Variants in DRC1 observed in about 807,000 individuals in gnomAD.
DRC1 encodes dynein regulatory complex subunit 1.
Under a neutral mutation model 98.7 loss-of-function variants are expected in DRC1, and 74 were observed. That is an observed-to-expected ratio of 0.75 (90% CI 0.62 to 0.91). The LOEUF (loss-of-function observed/expected upper bound fraction) is 0.91, where lower values mean the gene tolerates loss of function less well. DRC1 is among the 40% of genes least tolerant of loss of function. The pLI is 0.00. For missense variants in DRC1, 875 were observed against 886.0 expected (o/e 0.99, Z 0.16); for synonymous variants, 336 against 334.1 (o/e 1.01, Z -0.06).
At chr2:26,445,370 T>C (rs544899074) in intron 10 of DRC1, among the ~76,000 whole-genome samples, 37 of 152,326 alleles carry the variant, frequency 2.4e-4, no homozygotes, top group Admixed American at 2.1e-3. Context: ...CTTCCCTTCC[T>C]CAGCAATTTG....
chr2:26,403,069 C>T (rs1415758787), intron 1 of DRC1, among the ~76,000 whole-genome samples: 1 of 152,178 alleles, frequency 6.6e-6, no homozygotes, highest in Non-Finnish European at 1.5e-5. Context: ...ATTTGAATTT[C>T]ATATACTGTT....
At position 26,454,669 on chromosome 2, in the gene DRC1, G is replaced by T. The variant is rs765041616; in HGVS notation, c.1942G>T (p.Val648Leu). The T allele has an allele frequency of 3.7e-6, 6 of 1,614,128 alleles. 1 individual carries two copies. The Middle Eastern group carries it at 4.9e-4, about 133-fold the overall frequency. The change falls in exon 15 of 17, where the codon GTA becomes TTA. Residue 648 changes from valine to leucine, a missense_variant. Val to Leu is a conservative substitution (Grantham distance 32). Coordinates refer to ENST00000288710, the MANE Select transcript of DRC1 (RefSeq NM_145038.5). This position sits in a 1 kb window ranked among gnomAD's most constrained non-coding sequence, Gnocchi z 5.2. Reference sequence around the variant, plus strand: ...CAGGGACTCGCGGGCCCCGCTGAGGGTACAGAAGAATGTGCGTGACAACTC... The same window carrying T: ...CAGGGACTCGCGGGCCCCGCTGAGGTTACAGAAGAATGTGCGTGACAACTC... ...KPRDSRAPLR[V>L]QKNVRDNSKD... is the part of the protein sequence containing the mutation.
chr2:26,437,727 C>T (rs1031310220), intron 7 of DRC1, among the ~76,000 whole-genome samples: 1 of 152,028 alleles, frequency 6.6e-6, no homozygotes, highest in African/African-American at 2.4e-5. Context: ...TATATACACA[C>T]ACACACACGA....
intron 2 of DRC1, among the ~76,000 whole-genome samples, chr2:26,418,132 C>A (rs1413823391): frequency 6.6e-6 from 1 of 152,060 alleles, no homozygotes; most frequent in African/African-American, 2.4e-5. Context: ...CCCTTCAAAC[C>A]CCCATTGTCC....
intron 6 of DRC1, 88 bp downstream of exon 6, chr2:26,430,960 T>A: frequency 1.5e-5 from 11 of 753,108 alleles, no homozygotes; most frequent in Non-Finnish European, 2.0e-5. Context: ...TTTTCTATCT[T>A]TTTTTTTTTT....
chr2:26,443,416 C>G (rs1489291407), intron 8 of DRC1, among the ~76,000 whole-genome samples: 9 of 152,150 alleles, frequency 5.9e-5, no homozygotes, highest in Admixed American at 5.9e-4. Context: ...ATTCACAGTG[C>G]TATTGGACAG....
At position 26,454,677 on chromosome 2, in the gene DRC1, G is replaced by T. The variant is rs1245730608; in HGVS notation, c.1950G>T (p.Lys650Asn). 2 of 1,614,030 alleles carry T rather than the reference G, an allele frequency of 1.2e-6. No homozygotes were observed. Among genetic ancestry groups the T allele is most frequent in the Admixed American group, 1.7e-5 (1 of 60,004 alleles). The change falls in exon 15 of 17, where the codon AAG (lysine) becomes AAT (asparagine). Residue 650 changes from lysine to asparagine, a missense_variant. Coordinates refer to ENST00000288710, the MANE Select transcript of DRC1 (RefSeq NM_145038.5). This position sits in a 1 kb window ranked among gnomAD's most constrained non-coding sequence, Gnocchi z 5.2. ...RDSRAPLRVQ[K>N]NVRDNSKDSE... Reference sequence around the variant, plus strand: ...CGCGGGCCCCGCTGAGGGTACAGAAGAATGTGCGTGACAACTCCAAGGACT... The same window carrying T: ...CGCGGGCCCCGCTGAGGGTACAGAATAATGTGCGTGACAACTCCAAGGACT...
chr2:26,424,809 G>A (rs1344508393), intron 4 of DRC1, among the ~76,000 whole-genome samples: 4 of 151,978 alleles, frequency 2.6e-5, no homozygotes, highest in East Asian at 1.9e-4. Context: ...AAAATTAGCC[G>A]GGCATGGTGG....
At chr2:26,421,205 A>G (rs775188209) in intron 2 of DRC1, 83 bp from the exon 3 acceptor site, 8 of 1,249,064 alleles carry the variant, frequency 6.4e-6, no homozygotes, top group Admixed American at 4.1e-5. Flanking sequence ...GAAGCTGCGG[A>G]CAGTTGTGCA....
intron 3 of DRC1, 134 bp downstream of exon 3, chr2:26,421,534 C>T (rs1663141719): frequency 2.0e-6 from 1 of 501,280 alleles, no homozygotes; most frequent in Non-Finnish European, 3.4e-6. Context: ...CTTCTCCCTC[C>T]CTCCCTCCTC....
intron 16 of DRC1, among the ~76,000 whole-genome samples, chr2:26,455,533 C>T (rs765627663): frequency 1.6e-4 from 25 of 152,186 alleles, no homozygotes; most frequent in Non-Finnish European, 3.1e-4. Flanking sequence ...AGGAGCAGCT[C>T]CCCAGCTACA....
chr2:26,437,979 C>T (rs1663615784), intron 7 of DRC1, among the ~76,000 whole-genome samples: 1 of 148,948 alleles, frequency 6.7e-6, no homozygotes, highest in Admixed American at 6.8e-5. Flanking sequence ...GTAATCCCAG[C>T]TATTTGGGAG....
chr2:26,440,870 C>T (rs1191415459), intron 8 of DRC1, among the ~76,000 whole-genome samples: 1 of 152,186 alleles, frequency 6.6e-6, no homozygotes, highest in African/African-American at 2.4e-5. Context: ...ATCTTGAAGG[C>T]CTTTCCATCC....
intron 8 of DRC1, 81 bp downstream of exon 8, chr2:26,440,598 G>A: frequency 6.9e-7 from 1 of 1,454,238 alleles, no homozygotes. Flanking sequence ...TTCTATTGAA[G>A]GGGTAGAAAC....
At chr2:26,428,725 G>A (rs1430110133) in intron 4 of DRC1, among the ~76,000 whole-genome samples, 2 of 151,994 alleles carry the variant, frequency 1.3e-5, no homozygotes, top group Non-Finnish European at 2.9e-5. Context: ...GTGAACCCGG[G>A]AGGTGGAGCT....
intron 2 of DRC1, among the ~76,000 whole-genome samples, chr2:26,416,636 G>A (rs1250860580): frequency 6.6e-6 from 1 of 152,142 alleles, no homozygotes; most frequent in Non-Finnish European, 1.5e-5. Flanking sequence ...TTTCTATGTA[G>A]ATTTTTAGTT....
chr2:26,432,121 C>T (rs758094501), intron 7 of DRC1, 115 bp downstream of exon 7: 586 of 1,397,994 alleles, frequency 4.2e-4, no homozygotes, highest in Non-Finnish European at 4.9e-4. Flanking sequence ...CCCTTCAGCA[C>T]GTATTTATTA....
intron 3 of DRC1, among the ~76,000 whole-genome samples, chr2:26,423,934 A>G (rs1663214896): frequency 6.6e-6 from 1 of 152,176 alleles, no homozygotes; most frequent in South Asian, 2.1e-4. Context: ...CCAGAGACCC[A>G]GTGTTTAACT....
chr2:26,449,876 T>C, intron 11 of DRC1, 120 bp from the exon 12 acceptor site: 1 of 840,756 alleles, frequency 1.2e-6, no homozygotes, highest in Non-Finnish European at 1.8e-6. Context: ...CTGGCTCCCA[T>C]CCCTGGGCGT....
Sources: allele counts gnomAD v4.1 joint callset (sites outside exome capture counted in the v4.1 genomes callset), GRCh38; gene constraint gnomAD v4.1.1; non-coding constraint Gnocchi (gnomAD v3.1); transcripts MANE v1.5; gene names NCBI Gene and HGNC (gene_info 2026-07-23, HGNC 2026-07-21).